Variants in CCDC78 observed in about 807,000 individuals in gnomAD.
CCDC78 encodes coiled-coil domain containing 78, also known as coiled-coil domain-containing protein 78.
In CCDC78, 78 loss-of-function variants were observed where a neutral mutation model predicts 61.9. That is an observed-to-expected ratio of 1.26 (90% confidence interval 1.05 to 1.52). The LOEUF (loss-of-function observed/expected upper bound fraction) is 1.52, where lower values mean the gene tolerates loss of function less well. CCDC78 is among the 40% of genes most tolerant of loss of function. The probability of loss-of-function intolerance (pLI) is 0.00; values close to 1 mark genes in which losing one functional copy is unlikely to be tolerated. For synonymous variants in CCDC78, 287 were observed against 251.9 expected (o/e 1.14, Z -1.32); for missense variants, 737 against 615.5 (o/e 1.20, Z -2.09).
At chr16:723,512 A>C in intron 11 of CCDC78, 1 of 667,022 alleles carries the variant, frequency 1.5e-6, no homozygotes, top group Non-Finnish European at 2.8e-6. Context: ...ACAGCTGGGA[A>C]CATGGAGGCC....
rs1596601889 is a variant in CCDC78 at position 723,312 on chromosome 16, C to CA, written c.1134-152_1134-151insT. On this transcript the variant is annotated intron_variant, in intron 11 of 13. Transcript: ENST00000345165. Reference sequence around the variant, plus strand: ...ATGGGCCCCCCCCGTGCTCCTGTGGCGCCCCCCCCAGGCCTTGGAGCCATC... The same window carrying CA: ...ATGGGCCCCCCCCGTGCTCCTGTGGCAGCCCCCCCCAGGCCTTGGAGCCATC... The CA allele has an allele frequency of 1.4e-5, 12 of 851,626 alleles. No individual in the cohort carries two copies. The Admixed American group carries it at 2.0e-4, about 14-fold the overall frequency. 52.8% of individuals were successfully genotyped at this position (851,626 alleles called of 1,614,324 possible).
chr16:725,569 C>T lies in CCDC78; in HGVS notation c.279G>A (p.Leu93=), dbSNP rs1211250705. Residue 93 remains leucine (L), a synonymous_variant, in exon 4 of 14, where the codon CTG becomes CTA. Coordinates refer to ENST00000345165, the MANE Select transcript of CCDC78 (RefSeq NM_001378030.1). ...IFQLKSEILR[L]ESRVLELELR... ...GCTCCAGCTCCAGTACCCGGCTCTCCAGCCGAAGGATCTGTGGGACAACTG... is the reference window on the plus strand; with the variant it reads ...GCTCCAGCTCCAGTACCCGGCTCTCTAGCCGAAGGATCTGTGGGACAACTG... 1.2e-6 allele frequency: 2 copies of T among 1,608,370 alleles called. No homozygotes were observed. The highest frequency in any genetic ancestry group is 1.7e-6 in the Non-Finnish European group (2 of 1,178,144).
chr16:723,057 G>A (rs750228553), intron 12 of CCDC78, 35 bp from the exon 13 acceptor site: 2 of 1,612,688 alleles, frequency 1.2e-6, no homozygotes, highest in African/African-American at 1.3e-5. Context: ...GCTGGGGCAT[G>A]GCGTGAGGAT....
rs768749790 is a variant in CCDC78, at chr16:722,761, T to C, written c.1330A>G (p.Lys444Glu). ...RYKHEILRLR[K>E]LAGAGDPWKV... ...CAGGGGTCCCCTGCACCTGCCAGCT[T>C]CCTCAGCCTCAGGATTTCGTGCTTG... The change falls in exon 14 of 14, where the codon AAG becomes GAG. Residue 444 changes from lysine (K) to glutamate (E), a missense_variant. By Grantham distance (56) the Lys-to-Glu change is moderately conservative. Coordinates refer to ENST00000345165, the MANE Select transcript of CCDC78 (RefSeq NM_001378030.1). 6 of 1,612,504 alleles carry C rather than the reference T, an allele frequency of 3.7e-6. No individual in the cohort carries two copies. Among genetic ancestry groups the C allele is most frequent in the South Asian group, 1.1e-5 (1 of 91,092 alleles).
At position 725,488 on chromosome 16, in the gene CCDC78, C is replaced by G; in HGVS notation, c.360G>C (p.Arg120Ser). Residue 120 changes from arginine (R) to serine (S), a missense_variant, in exon 4 of 14, where the codon AGG (arginine) becomes AGC (serine). By Grantham distance (110) the Arg-to-Ser change is moderately radical. Coordinates refer to ENST00000345165, the MANE Select transcript of CCDC78 (RefSeq NM_001378030.1). Reference sequence around the variant, plus strand: ...GCTCTTGGGCTGCTGCCCGGGGATGCCTGGGGTCAGACTCCACTGGGACTG... The same window carrying G: ...GCTCTTGGGCTGCTGCCCGGGGATGGCTGGGGTCAGACTCCACTGGGACTG... ...GCAVPVESDP[R>S]HPRAAAQELR... The G allele has an allele frequency of 6.2e-7, 1 of 1,612,702 alleles. No homozygotes were observed. The highest frequency in any genetic ancestry group is 1.1e-5 in the South Asian group (1 of 91,088).
intron 10 of CCDC78, 62 bp from the exon 11 acceptor site, chr16:723,998 C>A: frequency 7.1e-7 from 1 of 1,408,910 alleles, no homozygotes; most frequent in South Asian, 1.1e-5. Context: ...CTCAGAGGCC[C>A]GGGGCTGAGG....
At chr16:726,277 T>C (rs942253000) in intron 1 of CCDC78, 31 bp downstream of exon 1, 37 of 1,549,452 alleles carry the variant, frequency 2.4e-5, no homozygotes, top group Non-Finnish European at 3.1e-5. Flanking sequence ...TTCAACCCCA[T>C]GGCAGGAGCG....
chr16:724,836 C>T (rs767337603), intron 7 of CCDC78, 30 bp from the exon 8 acceptor site: 1 of 1,610,782 alleles, frequency 6.2e-7, no homozygotes, highest in South Asian at 1.1e-5. Context: ...CCACCTGTGC[C>T]CTGAGAGTGG....
At chr16:723,543 G>C (rs1276740328) in intron 11 of CCDC78, 11 of 674,624 alleles carry the variant, frequency 1.6e-5, no homozygotes, top group South Asian at 6.0e-5. Context: ...GGCTGGCCCG[G>C]TCACCAGGCG....
In CCDC78 at chr16:723,151, C is replaced by T. The variant is rs753521458; in HGVS notation, c.1144G>A (p.Ala382Thr). Residue 382 changes from alanine to threonine, a missense_variant, in exon 12 of 14, where the codon GCT (alanine) becomes ACT (threonine). Coordinates refer to ENST00000345165, the MANE Select transcript of CCDC78 (RefSeq NM_001378030.1). The stretch of plus-strand genomic sequence containing the variant: ...TGGTGGATCTGGGCCCAGGATGCAG[C>T]GTCCAGGCCCCTGTGAGGGGAGAGG... ...GGTSEPQGLD[A>T]ASWAQIHQKL... 19 of 1,612,428 alleles carry T rather than the reference C, an allele frequency of 1.2e-5. No homozygotes were observed. Among genetic ancestry groups the T allele is most frequent in the African/African-American group, 6.7e-5 (5 of 74,922 alleles).
At position 723,085 on chromosome 16, in the gene CCDC78, T is replaced by G. The variant is rs1320389377; in HGVS notation, c.1200+10A>C. On this transcript the variant is annotated intron_variant, in intron 12 of 13. Transcript: ENST00000345165. ...GTGAGGATGGGCCTGGGCCAGCCCT[T>G]GCCTCCTACCTGGGTGCTGCGGGAG... 3.7e-6 allele frequency: 6 copies of G among 1,612,754 alleles called. No individual in the cohort carries two copies. The highest frequency in any genetic ancestry group is 1.7e-5 in the Admixed American group (1 of 60,026).
Position 725,133 on chromosome 16 carries a change from C to T in CCDC78, c.505G>A (p.Val169Met), listed in dbSNP as rs757720726. The T allele has an allele frequency of 1.2e-6, 2 of 1,612,834 alleles. No homozygotes were observed. Among genetic ancestry groups the T allele is most frequent in the Non-Finnish European group, 1.7e-6 (2 of 1,180,006 alleles). The change falls in exon 6 of 14, where the codon GTG (valine) becomes ATG (methionine). Residue 169 changes from valine to methionine, a missense_variant. Coordinates refer to ENST00000345165, the MANE Select transcript of CCDC78 (RefSeq NM_001378030.1). The part of the protein sequence containing the change: ...HRLGSGLQGE[V>M]KWALEHQEAR... Reference sequence around the variant, plus strand: ...TCCTGATGCTCCAGCGCCCACTTCACTTCCCCCTGCAGCTGTGGGGCACAC... The same window carrying T: ...TCCTGATGCTCCAGCGCCCACTTCATTTCCCCCTGCAGCTGTGGGGCACAC...
At chr16:726,566 C>T (rs900971841), upstream of CCDC78, 9 of 617,056 alleles carry the variant, frequency 1.5e-5, 1 homozygote, top group Admixed American at 3.3e-5. Flanking sequence ...TCTCTCCATG[C>T]CTCCGTTTCC....
rs756812394 is a variant in CCDC78 at position 724,222 on chromosome 16, GTGTC to G, written c.954-21_954-18del. ...CCAGGTGCCCTGTCAGGGTAGGCTAGTGTCTGTCTGGGGCCACTCCTGCTGCACA... is the reference window on the plus strand; with the variant it reads ...CCAGGTGCCCTGTCAGGGTAGGCTAGTGTCTGGGGCCACTCCTGCTGCACA... On this transcript the variant is annotated intron_variant, in intron 9 of 13. Transcript: ENST00000345165. 3 of 1,587,764 alleles carry G rather than the reference GTGTC, an allele frequency of 1.9e-6. No homozygotes were observed. Among genetic ancestry groups the G allele is most frequent in the East Asian group, 2.2e-5 (1 of 44,612 alleles).
At position 723,062 on chromosome 16, in the gene CCDC78, G is replaced by A. The variant is rs148497833; in HGVS notation, c.1200+33C>T. On this transcript the variant is annotated intron_variant, in intron 12 of 13. Transcript: ENST00000345165. ...TAAGCCATGAGCTGGGGCATGGCGTGAGGATGGGCCTGGGCCAGCCCTTGC... is the reference window on the plus strand; with the variant it reads ...TAAGCCATGAGCTGGGGCATGGCGTAAGGATGGGCCTGGGCCAGCCCTTGC... The A allele has an allele frequency of 7.4e-5, 120 of 1,612,674 alleles. No homozygotes were observed. The African/African-American group carries it at 1.4e-3, about 18-fold the overall frequency.
rs1163699017 is a variant in CCDC78, at chr16:725,134, T to G, written c.504A>C (p.Glu168Asp). The G allele has an allele frequency of 6.2e-7, 1 of 1,612,646 alleles. No individual in the cohort carries two copies. The highest frequency in any genetic ancestry group is 8.5e-7 in the Non-Finnish European group (1 of 1,179,992). The change falls in exon 6 of 14, where the codon GAA becomes GAC. Residue 168 changes from glutamate to aspartate, a missense_variant. By Grantham distance (45) the Glu-to-Asp change is conservative. Coordinates refer to ENST00000345165, the MANE Select transcript of CCDC78 (RefSeq NM_001378030.1). Reference sequence around the variant, plus strand: ...CCTGATGCTCCAGCGCCCACTTCACTTCCCCCTGCAGCTGTGGGGCACACA... The same window carrying G: ...CCTGATGCTCCAGCGCCCACTTCACGTCCCCCTGCAGCTGTGGGGCACACA... The part of the protein sequence containing the change: ...QHRLGSGLQG[E>D]VKWALEHQEA...
At position 726,397 on chromosome 16, in the gene CCDC78, C is replaced by T. The variant is rs569864103; in HGVS notation, c.-30G>A. The T allele has an allele frequency of 6.5e-5, 99 of 1,513,754 alleles. 1 individual carries two copies. The African/African-American group carries it at 1.2e-3, about 18-fold the overall frequency. 93.8% of individuals were successfully genotyped at this position (1,513,754 alleles called of 1,614,324 possible). On this transcript the variant is annotated 5_prime_UTR_variant, in exon 1 of 14. Transcript: ENST00000345165. ...TAGGGAACCCTGGCCAGCTCCGAGC[C>T]CGGTGCTGCCTCCACGCCCGGCTTC...
intron 13 of CCDC78, 61 bp from the exon 14 acceptor site, chr16:722,850 C>G (rs1424033945): frequency 6.2e-7 from 1 of 1,607,912 alleles, no homozygotes. Flanking sequence ...GCTTTTAGCG[C>G]CTGAGGCAGC....
In CCDC78 at chr16:723,169, G is replaced by A. The variant is rs548741273; in HGVS notation, c.1134-8C>T. ...GATGCAGCGTCCAGGCCCCTGTGAGGGGAGAGGAAAGGAGGAGTGGTTTTG... is the reference window on the plus strand; with the variant it reads ...GATGCAGCGTCCAGGCCCCTGTGAGAGGAGAGGAAAGGAGGAGTGGTTTTG... On this transcript the variant is annotated splice_polypyrimidine_tract_variant and splice_region_variant and intron_variant, in intron 11 of 13. Coordinates refer to ENST00000345165, the MANE Select transcript of CCDC78 (RefSeq NM_001378030.1). 4 of 1,612,372 alleles carry A rather than the reference G, an allele frequency of 2.5e-6. No individual in the cohort carries two copies. The African/African-American group carries it at 4.0e-5, about 16-fold the overall frequency.
Sources: gnomAD v4.1 joint callset for allele counts on GRCh38, gnomAD v4.1.1 for gene constraint, MANE v1.5 for transcripts, NCBI Gene and HGNC (gene_info 2026-07-23, HGNC 2026-07-21) for gene names.